CALCA: variants seen among roughly 807,000 people sequenced by gnomAD.
The protein encoded by CALCA is calcitonin related polypeptide alpha, also known as calcitonin.
CALCA carries 4 observed loss-of-function variants against 6.9 expected under a neutral mutation model. The observed-to-expected ratio is 0.58, with a 90% CI of 0.29 to 1.33. The LOEUF (loss-of-function observed/expected upper bound fraction) is 1.33. Among genes scored for constraint, CALCA ranks in the 40% most tolerant of loss-of-function variants. The pLI is 0.09. For synonymous variants in CALCA, 78 were observed against 70.0 expected, an observed-to-expected ratio of 1.11 and a Z score of -0.57; for missense variants, 174 against 178.3, an observed-to-expected ratio of 0.98 and a Z score of 0.14.
intron 1 of CALCA, among the ~76,000 whole-genome samples, chr11:14,972,014 T>C (rs1276434580): frequency 6.6e-6 from 1 of 152,036 alleles, no homozygotes; most frequent in African/African-American, 2.4e-5. Context: ...CTGTGTGCAG[T>C]GCGAGAGAGT....
chr11:14,971,573 C>A (rs1849606855), intron 1 of CALCA, among the ~76,000 whole-genome samples: 1 of 152,168 alleles, frequency 6.6e-6, no homozygotes, highest in Non-Finnish European at 1.5e-5. Context: ...ATAAGGAAAC[C>A]CAGAGCTGTC....
At chr11:14,970,367 A>G (rs1849572121) in intron 2 of CALCA, among the ~76,000 whole-genome samples, 1 of 152,246 alleles carries the variant, frequency 6.6e-6, no homozygotes, top group East Asian at 1.9e-4. Context: ...GCAAAAACTT[A>G]CAGTTAGTGC....
rs1555026185 is a variant in CALCA at position 14,970,070 on chromosome 11, G to A, written c.92C>T (p.Ala31Val). 3 of 1,614,220 alleles carry A rather than the reference G, an allele frequency of 1.9e-6. No individual in the cohort carries two copies. In the Admixed American group the frequency reaches 5.0e-5, roughly 27 times the overall value. Residue 31 changes from alanine to valine, a missense_variant, in exon 3 of 4, where the codon GCC (alanine) becomes GTC (valine). Transcript: ENST00000331587. The part of the protein sequence containing the change: ...GSLHAAPFRS[A>V]LESSPADPAT... Reference sequence around the variant, plus strand: ...CGGGTCTGCTGGGCTGCTCTCCAGGGCAGACCTGTGGAGGGGAAGCAAACT... The same window carrying A: ...CGGGTCTGCTGGGCTGCTCTCCAGGACAGACCTGTGGAGGGGAAGCAAACT...
At position 14,969,991 on chromosome 11, in the gene CALCA, G is replaced by C; in HGVS notation, c.171C>G (p.Asp57Glu). Residue 57 changes from aspartate to glutamate, a missense_variant, in exon 3 of 4, where the codon GAC becomes GAG. Transcript: ENST00000331587. Reference protein sequence around the residue: ...ARLLLAALVQDYVQMKASELE... With the variant: ...ARLLLAALVQEYVQMKASELE... ...GCTCACTGGCCTTCATCTGCACATA[G>C]TCCTGCACCAGTGCAGCCAGCAGGA... is the stretch of plus-strand genomic sequence containing the variant. The C allele has an allele frequency of 6.2e-7, 1 of 1,614,086 alleles. No individual in the cohort carries two copies. Among genetic ancestry groups the C allele is most frequent in the Non-Finnish European group, 8.5e-7 (1 of 1,180,022 alleles).
intron 2 of CALCA, among the ~76,000 whole-genome samples, chr11:14,970,882 A>G (rs782484133): frequency 1.3e-5 from 2 of 152,348 alleles, no homozygotes; most frequent in Admixed American, 1.3e-4. Context: ...CATGGATGAC[A>G]GAGTGAGACT....
chr11:14,968,728 A>C lies in CALCA; in HGVS notation c.*71T>G, dbSNP rs1849514190. 6.2e-7 allele frequency: 1 copy of C among 1,613,182 alleles called. No individual in the cohort carries two copies. The highest frequency in any genetic ancestry group is 1.7e-5 in the Admixed American group (1 of 59,988). ...ATACCAGCCCAAAGAGCCACCAGAG[A>C]GGAACCAAACCACATGCATCAAGTT... On this transcript the variant is annotated 3_prime_UTR_variant, in exon 4 of 4. Coordinates refer to ENST00000331587, the MANE Select transcript of CALCA (RefSeq NM_001741.3).
At chr11:14,967,650 A>G, downstream of CALCA, 2 of 1,612,900 alleles carry the variant, frequency 1.2e-6, no homozygotes, top group Non-Finnish European at 1.7e-6. Flanking sequence ...TCATCTTCCC[A>G]TCCCATCATA....
chr11:14,970,213 G>A, intron 2 of CALCA, 138 bp from the exon 3 acceptor site: 1 of 1,251,150 alleles, frequency 8.0e-7, no homozygotes, highest in Non-Finnish European at 1.1e-6. Context: ...AGGGCACAAG[G>A]CCAGTGTCCT....
Position 14,969,979 on chromosome 11 carries a change from C to G in CALCA, c.183G>C (p.Met61Ile). Reference protein sequence around the residue: ...LAALVQDYVQMKASELEQEQE... With the variant: ...LAALVQDYVQIKASELEQEQE... ...GCTCCTGCTCCAGCTCACTGGCCTT[C>G]ATCTGCACATAGTCCTGCACCAGTG... The change falls in exon 3 of 4, where the codon ATG becomes ATC. Residue 61 changes from methionine (M) to isoleucine (I), a missense_variant. Coordinates refer to ENST00000331587, the MANE Select transcript of CALCA (RefSeq NM_001741.3). 6.2e-7 allele frequency: 1 copy of G among 1,613,972 alleles called. No individual in the cohort carries two copies. The highest frequency in any genetic ancestry group is 8.5e-7 in the Non-Finnish European group (1 of 1,180,044).
At chr11:14,969,791 A>T (rs1849549468) in intron 3 of CALCA, 144 bp downstream of exon 3, 1 of 1,286,568 alleles carries the variant, frequency 7.8e-7, no homozygotes, top group Non-Finnish European at 1.1e-6. Flanking sequence ...TTGGAGGCTG[A>T]GAACAGCTGG....
At chr11:14,967,700 C>T, downstream of CALCA, 1 of 1,614,086 alleles carries the variant, frequency 6.2e-7, no homozygotes, top group Non-Finnish European at 8.5e-7. Context: ...GCTGCTCAGG[C>T]TTGAAGGTCC....
At chr11:14,967,877 A>G (rs1849494327), downstream of CALCA, 6 of 1,613,152 alleles carry the variant, frequency 3.7e-6, no homozygotes, top group Non-Finnish European at 5.1e-6. Flanking sequence ...ATGGAGAAAG[A>G]AGAGAAGATC....
chr11:14,966,956 C>T (rs1220906497), downstream of CALCA: 1 of 152,670 alleles, frequency 6.6e-6, no homozygotes, highest in Non-Finnish European at 1.5e-5. Flanking sequence ...CTGCAATGAG[C>T]TTGTTCTGCA....
intron 3 of CALCA, among the ~76,000 whole-genome samples, chr11:14,969,418 A>G (rs781790357): frequency 4.6e-5 from 7 of 152,136 alleles, no homozygotes; most frequent in Non-Finnish European, 1.0e-4. Context: ...GATGCCACAC[A>G]TTTAAAGGCT....
In CALCA at chr11:14,971,136, C is replaced by G. The variant is rs781820850; in HGVS notation, c.57G>C (p.Gln19His). 1.2e-6 allele frequency: 2 copies of G among 1,614,122 alleles called. No homozygotes were observed. The highest frequency in any genetic ancestry group is 1.7e-6 in the Non-Finnish European group (2 of 1,180,000). Reference sequence around the variant, plus strand: ...ATGGTGCTGCATGGAGGCTGCCTGCCTGCAACAGGACCAAGATGCTGAGAG... The same window carrying G: ...ATGGTGCTGCATGGAGGCTGCCTGCGTGCAACAGGACCAAGATGCTGAGAG... ...FLALSILVLL[Q>H]AGSLHAAPFR... The change falls in exon 2 of 4, where the codon CAG becomes CAC. Residue 19 changes from glutamine to histidine, a missense_variant. Gln to His is a conservative substitution (Grantham distance 24, BLOSUM62 0). Transcript: ENST00000331587.
rs1849522626 is a variant in CALCA, at chr11:14,968,931, C to T, written c.294G>A (p.Gln98=). 1 of 1,614,068 alleles carries T rather than the reference C, an allele frequency of 6.2e-7. No homozygotes were observed. Residue 98 remains glutamine, a synonymous_variant, in exon 4 of 4, where the codon CAG becomes CAA. Coordinates refer to ENST00000331587, the MANE Select transcript of CALCA (RefSeq NM_001741.3). ...LSTCMLGTYT[Q]DFNKFHTFPQ... ...GGAACGTGTGAAACTTGTTGAAGTC[C>T]TGCGTGTATGTGCCCAGCATGCAAG... is the stretch of plus-strand genomic sequence containing the variant.
chr11:14,971,169 G>A lies in CALCA; in HGVS notation c.24C>T (p.Pro8=). 2.5e-6 allele frequency: 4 copies of A among 1,614,082 alleles called. No homozygotes were observed. The highest frequency in any genetic ancestry group is 3.4e-6 in the Non-Finnish European group (4 of 1,179,966). The change falls in exon 2 of 4, where the codon CCC becomes CCT. Residue 8 remains proline (P), a synonymous_variant. Transcript: ENST00000331587. Reference sequence around the variant, plus strand: ...GGACCAAGATGCTGAGAGCCAGGAAGGGGGAGAACTTTTGGAAGCCCATGA... The same window carrying A: ...GGACCAAGATGCTGAGAGCCAGGAAAGGGGAGAACTTTTGGAAGCCCATGA... MGFQKFS[P]FLALSILVLL...
At chr11:14,970,169 C>T (rs1259099854) in intron 2 of CALCA, 94 bp from the exon 3 acceptor site, 26 of 1,547,420 alleles carry the variant, frequency 1.7e-5, no homozygotes, top group Non-Finnish European at 2.3e-5. Context: ...TGCTTCTTCC[C>T]CTGAGGATGT....
At chr11:14,969,835 G>C in intron 3 of CALCA, 100 bp downstream of exon 3, 3 of 1,573,276 alleles carry the variant, frequency 1.9e-6, no homozygotes, top group East Asian at 4.5e-5. Flanking sequence ...CAGCCTGTTG[G>C]ATTCCTGGCC....
Sources: gnomAD v4.1 joint callset for allele counts (sites outside exome capture counted in the v4.1 genomes callset) on GRCh38, gnomAD v4.1.1 for gene constraint, MANE v1.5 for transcripts, NCBI Gene and HGNC (gene_info 2026-07-23, HGNC 2026-07-21) for gene names.